GPM6A: variants seen among roughly 807,000 people sequenced by gnomAD.
GPM6A encodes the protein neuronal membrane glycoprotein M6-a.
A neutral mutation model predicts 32.1 loss-of-function variants in GPM6A; 7 were observed. That is an observed-to-expected ratio of 0.22 (90% CI 0.12 to 0.41). The LOEUF (loss-of-function observed/expected upper bound fraction) is 0.41, where lower values mean the gene tolerates loss of function less well. Ranked by LOEUF, GPM6A falls within the 10% of genes least tolerant of loss-of-function variation. GPM6A has a pLI of 1.00. For missense variants in GPM6A, 235 were observed against 347.2 expected, an observed-to-expected ratio of 0.68 and a Z score of 2.57; for synonymous variants, 130 against 123.4, an observed-to-expected ratio of 1.05 and a Z score of -0.35.
chr4:175,804,126 C>CT (rs1371653914), intron 1 of GPM6A, among the ~76,000 whole-genome samples: 9 of 152,134 alleles, frequency 5.9e-5, no homozygotes. Context: ...AGTGTCATAT[C>CT]TAAGAGTTCC....
chr4:175,955,029 T>C (rs1036661505), intron 1 of GPM6A, among the ~76,000 whole-genome samples: 1 of 152,206 alleles, frequency 6.6e-6, no homozygotes, highest in Non-Finnish European at 1.5e-5. Context: ...AATTCCATGA[T>C]TTTTCGTAAG....
chr4:175,881,198 C>G (rs931848114), intron 1 of GPM6A, among the ~76,000 whole-genome samples: 1 of 152,206 alleles, frequency 6.6e-6, no homozygotes, highest in Non-Finnish European at 1.5e-5. Flanking sequence ...TGAAAAGACA[C>G]TTCTCAAAAG....
At chr4:175,882,052 A>G (rs1332636875) in intron 1 of GPM6A, among the ~76,000 whole-genome samples, 1 of 152,070 alleles carries the variant, frequency 6.6e-6, no homozygotes, top group African/African-American at 2.4e-5. Context: ...AATGATTTTC[A>G]TATAATTGTT....
intron 2 of GPM6A, among the ~76,000 whole-genome samples, chr4:175,701,038 A>G (rs12646542): frequency 0.061 from 9,311 of 152,104 alleles, 579 homozygotes; most frequent in East Asian, 0.35. Context: ...TTGGTGTTTG[A>G]AAAAAAAGGT....
At chr4:175,814,834 T>C (rs1735048887), upstream of GPM6A, among the ~76,000 whole-genome samples, 1 of 152,140 alleles carries the variant, frequency 6.6e-6, no homozygotes, top group African/African-American at 2.4e-5. Flanking sequence ...ATTTGCCATT[T>C]TGATCATTTT....
intron 1 of GPM6A, among the ~76,000 whole-genome samples, chr4:175,887,098 A>T (rs1737484954): frequency 6.6e-6 from 1 of 152,016 alleles, no homozygotes; most frequent in Non-Finnish European, 1.5e-5. Flanking sequence ...GACATATATG[A>T]AACCTGGTAC....
intron 1 of GPM6A, among the ~76,000 whole-genome samples, chr4:175,919,660 A>C (rs778843926): frequency 9.2e-5 from 14 of 152,096 alleles, no homozygotes; most frequent in Admixed American, 6.6e-5. Flanking sequence ...TCAAACATCC[A>C]TTCTCTCCTT....
intron 1 of GPM6A, among the ~76,000 whole-genome samples, chr4:175,738,475 C>A (rs1469724063): frequency 6.6e-6 from 1 of 151,898 alleles, no homozygotes; most frequent in African/African-American, 2.4e-5. Flanking sequence ...TTAAAACCAT[C>A]CCAAGCAAGC....
chr4:175,844,793 G>A (rs2111391618), intron 1 of GPM6A, among the ~76,000 whole-genome samples: 1 of 152,186 alleles, frequency 6.6e-6, no homozygotes. Flanking sequence ...AATTATGTCA[G>A]ATTTCCTTAT....
chr4:175,913,781 G>T (rs2111512656), intron 1 of GPM6A, among the ~76,000 whole-genome samples: 1 of 152,150 alleles, frequency 6.6e-6, no homozygotes, highest in East Asian at 1.9e-4. Flanking sequence ...CTATATTTAG[G>T]ATTGTAAACC....
chr4:175,732,343 T>C (rs1731470121), intron 1 of GPM6A, among the ~76,000 whole-genome samples: 1 of 152,186 alleles, frequency 6.6e-6, no homozygotes, highest in East Asian at 1.9e-4. Flanking sequence ...CCCTCTGGTG[T>C]TCCCTATTCC....
intron 1 of GPM6A, among the ~76,000 whole-genome samples, chr4:175,926,496 T>C (rs923668490): frequency 6.6e-6 from 1 of 152,156 alleles, no homozygotes; most frequent in Non-Finnish European, 1.5e-5. Flanking sequence ...TAAAATAACA[T>C]TGAGATGACC....
chr4:175,838,041 C>G (rs145885967), intron 1 of GPM6A, among the ~76,000 whole-genome samples: 341 of 151,354 alleles, frequency 2.3e-3, no homozygotes, highest in Non-Finnish European at 3.5e-3. Context: ...CTCCAAAGCA[C>G]CTACCACAGC....
intron 1 of GPM6A, among the ~76,000 whole-genome samples, chr4:175,791,968 T>C (rs1734030252): frequency 6.6e-6 from 1 of 152,204 alleles, no homozygotes; most frequent in African/African-American, 2.4e-5. Flanking sequence ...CATATTTAGT[T>C]ATTAATCATA....
chr4:175,914,737 C>T (rs1472326), intron 1 of GPM6A, among the ~76,000 whole-genome samples: 144,133 of 152,264 alleles, frequency 0.95, 68,713 homozygotes, highest in East Asian at 1. Context: ...ATTGTCAGAG[C>T]GAGGGGGGGC....
At chr4:175,870,631 C>G (rs1224649184) in intron 1 of GPM6A, among the ~76,000 whole-genome samples, 1 of 152,286 alleles carries the variant, frequency 6.6e-6, no homozygotes, top group East Asian at 1.9e-4. Flanking sequence ...TCTTACACTA[C>G]ATCGCTTCTC....
At chr4:175,678,307 G>A (rs1743491078) in intron 2 of GPM6A, among the ~76,000 whole-genome samples, 1 of 152,142 alleles carries the variant, frequency 6.6e-6, no homozygotes, top group Non-Finnish European at 1.5e-5. Flanking sequence ...TATTTCTGCA[G>A]CCTTGATACT....
intron 4 of GPM6A, among the ~76,000 whole-genome samples, chr4:175,646,370 A>T (rs1741463490): frequency 6.6e-6 from 1 of 152,230 alleles, no homozygotes; most frequent in Non-Finnish European, 1.5e-5. Context: ...TGCAAACATA[A>T]AGTGTCCTTT....
At chr4:175,968,350 A>C (rs141947633) in intron 1 of GPM6A, among the ~76,000 whole-genome samples, 2,357 of 152,324 alleles carry the variant, frequency 0.015, 61 homozygotes, top group African/African-American at 0.052. Context: ...GAAAAATGTA[A>C]GTGATTTTAG....
Sources: allele counts gnomAD v4.1 joint callset (sites outside exome capture counted in the v4.1 genomes callset), GRCh38; gene constraint gnomAD v4.1.1; transcripts MANE v1.5; gene names NCBI Gene and HGNC (gene_info 2026-07-23, HGNC 2026-07-21).